DZIP1L: variants seen among roughly 807,000 people sequenced by gnomAD.
DZIP1L encodes cilium assembly protein DZIP1L.
A neutral mutation model predicts 88.7 loss-of-function variants in DZIP1L; 90 were observed. The observed-to-expected ratio is 1.02, with a 90% CI of 0.86 to 1.21. The LOEUF (loss-of-function observed/expected upper bound fraction) is 1.21. DZIP1L is among the 50% of genes most tolerant of loss of function. DZIP1L has a pLI of 0.00. For missense variants in DZIP1L, 932 were observed against 955.8 expected, an observed-to-expected ratio of 0.98 and a Z score of 0.33; for synonymous variants, 363 against 372.1, an observed-to-expected ratio of 0.98 and a Z score of 0.28.
At chr3:138,089,837 G>C (rs987303888) in intron 5 of DZIP1L, among the ~76,000 whole-genome samples, 1 of 152,038 alleles carries the variant, frequency 6.6e-6, no homozygotes, top group Non-Finnish European at 1.5e-5. Context: ...TAATCCTATA[G>C]GGGAAAGGTT....
At chr3:138,091,649 GAGGA>G (rs1944233143) in intron 5 of DZIP1L, among the ~76,000 whole-genome samples, 6 of 85,674 alleles carry the variant, frequency 7.0e-5, no homozygotes, top group Non-Finnish European at 1.4e-4. Context: ...GGGAGGGAGG[GAGGA>G]AGGAAGGAAG....
Position 138,062,704 on chromosome 3 carries a change from T to G in DZIP1L, c.*112A>C. ...CCTGCACTGCTTCTCTCCAAGAGGA[T>G]GATCTCTTGGTTGTTTGTGAAGACA... On this transcript the variant is annotated 3_prime_UTR_variant, in exon 16 of 16. Transcript: ENST00000327532. 1 of 1,224,132 alleles carries G rather than the reference T, an allele frequency of 8.2e-7. No individual in the cohort carries two copies. The highest frequency in any genetic ancestry group is 1.2e-6 in the Non-Finnish European group (1 of 855,530). The allele number at this position is 1,224,132 out of a possible 1,614,324, so 75.8% of individuals were successfully genotyped here.
At chr3:138,104,817 T>C (rs2042432154) in intron 1 of DZIP1L, among the ~76,000 whole-genome samples, 1 of 152,236 alleles carries the variant, frequency 6.6e-6, no homozygotes, top group East Asian at 1.9e-4. Flanking sequence ...ACTCAGATTC[T>C]ACTCTCTAAA....
At chr3:138,090,594 C>T (rs1944166594) in intron 5 of DZIP1L, among the ~76,000 whole-genome samples, 1 of 152,262 alleles carries the variant, frequency 6.6e-6, no homozygotes, top group South Asian at 2.1e-4. Context: ...ACAGAGTTCT[C>T]GTTTCAACCC....
At chr3:138,093,167 A>T (rs2622728) in intron 4 of DZIP1L, among the ~76,000 whole-genome samples, 96,534 of 152,138 alleles carry the variant, frequency 0.63, 31,326 homozygotes, top group Non-Finnish European at 0.7. Context: ...ACTCCTTGAT[A>T]CATGGGCTGC....
intron 1 of DZIP1L, among the ~76,000 whole-genome samples, chr3:138,106,280 A>G (rs1007956041): frequency 6.0e-5 from 9 of 150,834 alleles, no homozygotes; most frequent in African/African-American, 2.2e-4. Context: ...CCGGGATTAC[A>G]GGCACACTCC....
At chr3:138,069,093 G>A (rs382629) in intron 12 of DZIP1L, 819,852 of 962,738 alleles carry the variant, frequency 0.85, 351,722 homozygotes, top group Non-Finnish European at 0.88. Flanking sequence ...CCACTTATAC[G>A]TGGATTTTCT....
intron 2 of DZIP1L, chr3:138,102,252 T>G (rs565961604): frequency 7.0e-7 from 1 of 1,433,402 alleles, no homozygotes; most frequent in South Asian, 1.1e-5. Flanking sequence ...CCTGAGGAAG[T>G]TGATCTCGTC....
At chr3:138,064,867 T>G in intron 14 of DZIP1L, 100 bp from the exon 15 acceptor site, 1 of 1,490,820 alleles carries the variant, frequency 6.7e-7, no homozygotes, top group Non-Finnish European at 9.0e-7. Context: ...ATAGAGGGAA[T>G]GAGCAGAAGG....
intron 6 of DZIP1L, 23 bp downstream of exon 6, chr3:138,088,355 GA>G: frequency 6.3e-7 from 1 of 1,593,430 alleles, no homozygotes; most frequent in African/African-American, 1.3e-5. Context: ...CCTCTGGGAA[GA>G]AAGGCATGGA....
At chr3:138,064,556 C>T in intron 15 of DZIP1L, 72 bp downstream of exon 15, 1 of 1,613,566 alleles carries the variant, frequency 6.2e-7, no homozygotes, top group Non-Finnish European at 8.5e-7. Flanking sequence ...CAACCTTCAC[C>T]CCAGGCCCCC....
chr3:138,070,727 A>G (rs1180944831), intron 12 of DZIP1L, among the ~76,000 whole-genome samples: 1 of 152,236 alleles, frequency 6.6e-6, no homozygotes, highest in Non-Finnish European at 1.5e-5. Flanking sequence ...AAGAGCTCAA[A>G]TCGGTTCTTC....
chr3:138,073,488 A>G (rs554129206), intron 11 of DZIP1L, among the ~76,000 whole-genome samples: 68 of 152,298 alleles, frequency 4.5e-4, no homozygotes, highest in African/African-American at 1.3e-3. Context: ...TTCAGCTCTC[A>G]GGAAGCCCCA....
At chr3:138,072,365 A>G (rs571332704) in intron 11 of DZIP1L, among the ~76,000 whole-genome samples, 1 of 152,224 alleles carries the variant, frequency 6.6e-6, no homozygotes, top group Non-Finnish European at 1.5e-5. Flanking sequence ...TGAATCCAAG[A>G]TGAGGATTCA....
chr3:138,076,883 C>G (rs953923401), intron 11 of DZIP1L, among the ~76,000 whole-genome samples: 1 of 152,052 alleles, frequency 6.6e-6, no homozygotes, highest in Admixed American at 6.5e-5. Context: ...CCAAACACCA[C>G]CTGTTCCCCA....
intron 2 of DZIP1L, chr3:138,101,431 TG>T: frequency 1.4e-6 from 1 of 720,426 alleles, no homozygotes; most frequent in East Asian, 2.4e-5. Context: ...CGCTGGGCTC[TG>T]GGGCAGCCGC....
Position 138,088,864 on chromosome 3 carries a change from G to C in DZIP1L, c.871-357C>G, listed in dbSNP as rs1156657818. 5.0e-6 allele frequency: 5 copies of C among 991,564 alleles called. No individual in the cohort carries two copies. The East Asian group carries it at 4.4e-4, about 87-fold the overall frequency. 61.4% of individuals were successfully genotyped at this position (991,564 alleles called of 1,614,324 possible). ...TGAGAATGAGACTCTTAGAGCCTAT[G>C]GGAGGGTCTCACCCCAGGCCACTCC... is the stretch of plus-strand genomic sequence containing the variant. On this transcript the variant is annotated intron_variant, in intron 5 of 15. Coordinates refer to ENST00000327532, the MANE Select transcript of DZIP1L (RefSeq NM_173543.3).
intron 1 of DZIP1L, chr3:138,108,124 C>T (rs937101710): frequency 5.8e-6 from 5 of 863,830 alleles, no homozygotes; most frequent in Non-Finnish European, 4.2e-6. Context: ...GCTGGGACTA[C>T]AGGTGCCCGC....
chr3:138,097,812 G>C lies in DZIP1L; in HGVS notation c.537C>G (p.Thr179=), dbSNP rs1319314555. ...TGCGCTGGATGTGGCCCCGGAGAAAGGTGGCATTCATGAATGTCTTGTCAC... is the reference window on the plus strand; with the variant it reads ...TGCGCTGGATGTGGCCCCGGAGAAACGTGGCATTCATGAATGTCTTGTCAC... ...HLCDKTFMNA[T]FLRGHIQRRH... Residue 179 remains threonine, a synonymous_variant, in exon 3 of 16, where the codon ACC becomes ACG. Coordinates refer to ENST00000327532, the MANE Select transcript of DZIP1L (RefSeq NM_173543.3). The C allele has an allele frequency of 1.2e-6, 2 of 1,613,152 alleles. No homozygotes were observed. Among genetic ancestry groups the C allele is most frequent in the East Asian group, 2.2e-5 (1 of 44,888 alleles).
Sources: gnomAD v4.1 joint callset for allele counts (sites outside exome capture counted in the v4.1 genomes callset) on GRCh38, gnomAD v4.1.1 for gene constraint, MANE v1.5 for transcripts, NCBI Gene and HGNC (gene_info 2026-07-23, HGNC 2026-07-21) for gene names.